LTBP1: variants seen among roughly 807,000 people sequenced by gnomAD.
LTBP1 encodes the protein latent transforming growth factor beta binding protein 1, also known as latent-transforming growth factor beta-binding protein 1.
A neutral mutation model predicts 207.6 loss-of-function variants in LTBP1; 129 were observed. The observed-to-expected ratio is 0.62, with a 90% CI of 0.54 to 0.72. The LOEUF is 0.72. Ranked by LOEUF, LTBP1 falls within the 30% of genes least tolerant of loss-of-function variation. The pLI is 0.00. For synonymous variants in LTBP1, 963 were observed against 833.7 expected (o/e 1.16, Z -2.67); for missense variants, 2,281 against 2,217.2 (o/e 1.03, Z -0.58).
chr2:33,101,067 AT>A (rs1191714973), intron 3 of LTBP1, among the ~76,000 whole-genome samples: 1 of 152,180 alleles, frequency 6.6e-6, no homozygotes, highest in Non-Finnish European at 1.5e-5. Context: ...GCCAAATTAT[AT>A]GGTAATTCTG....
At chr2:32,948,494 T>A (rs746717415) in intron 1 of LTBP1, among the ~76,000 whole-genome samples, 1 of 152,234 alleles carries the variant, frequency 6.6e-6, no homozygotes, top group Admixed American at 6.5e-5. Flanking sequence ...CCAGGCCATG[T>A]GCCCTCACTC....
At chr2:33,031,266 A>G (rs2075679373) in intron 3 of LTBP1, among the ~76,000 whole-genome samples, 2 of 152,236 alleles carry the variant, frequency 1.3e-5, no homozygotes, top group East Asian at 3.8e-4. Context: ...AAATCGTAAT[A>G]TACTACTGAA....
intron 24 of LTBP1, among the ~76,000 whole-genome samples, chr2:33,326,501 A>G (rs932257129): frequency 2.0e-5 from 3 of 152,082 alleles, no homozygotes; most frequent in African/African-American, 7.2e-5. Context: ...ATTGGATTAA[A>G]AAAAAAACAA....
chr2:33,331,920 C>G (rs563654339), intron 24 of LTBP1, among the ~76,000 whole-genome samples: 9 of 152,032 alleles, frequency 5.9e-5, no homozygotes, highest in African/African-American at 2.2e-4. Context: ...ATTGCAGTGA[C>G]CTCCTAACTT....
intron 20 of LTBP1, among the ~76,000 whole-genome samples, chr2:33,299,550 A>G (rs17012783): frequency 0.023 from 3,432 of 152,296 alleles, 138 homozygotes; most frequent in African/African-American, 0.077. Flanking sequence ...CATGTAGGTG[A>G]TGAAGATCAG....
intron 9 of LTBP1, among the ~76,000 whole-genome samples, chr2:33,223,809 A>G (rs2091274683): frequency 6.6e-6 from 1 of 152,164 alleles, no homozygotes; most frequent in Non-Finnish European, 1.5e-5. Flanking sequence ...TTTGTGAAGG[A>G]CCTAGAAACA....
intron 9 of LTBP1, among the ~76,000 whole-genome samples, chr2:33,222,415 C>T (rs973512846): frequency 6.6e-6 from 1 of 152,182 alleles, no homozygotes; most frequent in Non-Finnish European, 1.5e-5. Flanking sequence ...CATTAGAGAG[C>T]ACACTGTGGT....
chr2:33,192,544 A>G (rs1455851018), intron 7 of LTBP1, among the ~76,000 whole-genome samples: 1 of 152,186 alleles, frequency 6.6e-6, no homozygotes, highest in Non-Finnish European at 1.5e-5. Flanking sequence ...ATCAGAGTAT[A>G]AAAGAAAGTG....
At position 33,150,387 on chromosome 2, in the gene LTBP1, G is replaced by T. The variant is rs976487156; in HGVS notation, c.1201+15427G>T. On this transcript the variant is annotated intron_variant, in intron 5 of 33. Transcript: ENST00000404816. ...TACATGACTGATTTTTTCCCCAATT[G>T]TATCATTTTTTAGTTGTAAAATATA... is the stretch of plus-strand genomic sequence containing the variant. Among the ~76,000 whole-genome samples the T allele has an allele frequency of 2.2e-4, 34 of 151,924 alleles. No individual in the cohort carries two copies. The South Asian group carries it at 2.9e-3, about 13-fold the overall frequency.
intron 18 of LTBP1, among the ~76,000 whole-genome samples, chr2:33,279,085 C>T (rs1006192032): frequency 6.6e-6 from 1 of 151,962 alleles, no homozygotes. Flanking sequence ...CCTGAAAATC[C>T]GTTTATATTT....
intron 2 of LTBP1, among the ~76,000 whole-genome samples, chr2:33,004,868 G>A (rs928344250): frequency 2.7e-5 from 4 of 148,852 alleles, no homozygotes; most frequent in African/African-American, 9.9e-5. Flanking sequence ...TCAAAGATGA[G>A]TATTTTTCTG....
At chr2:33,147,219 T>C (rs542367151) in intron 5 of LTBP1, among the ~76,000 whole-genome samples, 1 of 152,340 alleles carries the variant, frequency 6.6e-6, no homozygotes, top group East Asian at 1.9e-4. Context: ...GTGCTTTGGA[T>C]ATGTGTATTT....
At chr2:33,091,096 C>G (rs980100763) in intron 3 of LTBP1, among the ~76,000 whole-genome samples, 3 of 152,176 alleles carry the variant, frequency 2.0e-5, no homozygotes, top group Admixed American at 2.0e-4. Flanking sequence ...TGGAGCCTCC[C>G]TGTCCATGTC....
intron 2 of LTBP1, among the ~76,000 whole-genome samples, chr2:32,979,970 G>T (rs1682503920): frequency 1.3e-5 from 2 of 151,822 alleles, no homozygotes. Context: ...AATCTATTTT[G>T]TCTGATACAA....
chr2:33,241,744 AC>A (rs1475452755), intron 9 of LTBP1, among the ~76,000 whole-genome samples: 2 of 152,208 alleles, frequency 1.3e-5, no homozygotes, highest in Non-Finnish European at 2.9e-5. Flanking sequence ...CTGGCTGGTT[AC>A]CCAAACTTGA....
chr2:33,346,756 A>G (rs973069532), intron 25 of LTBP1, among the ~76,000 whole-genome samples: 3 of 152,068 alleles, frequency 2.0e-5, no homozygotes, highest in Non-Finnish European at 4.4e-5. Context: ...GTCAGGAATG[A>G]TAAAACTAGA....
At chr2:33,131,917 A>G (rs1431689717) in intron 4 of LTBP1, among the ~76,000 whole-genome samples, 1 of 152,194 alleles carries the variant, frequency 6.6e-6, no homozygotes, top group African/African-American at 2.4e-5. Flanking sequence ...TTATAAAGTG[A>G]CTACTGTAGC....
chr2:33,192,239 G>A (rs776493965), intron 7 of LTBP1, among the ~76,000 whole-genome samples: 14 of 152,164 alleles, frequency 9.2e-5, no homozygotes, highest in South Asian at 2.1e-4. Context: ...TTGCTGGCAA[G>A]GTCAGCGTGT....
chr2:33,057,253 G>A lies in LTBP1; in HGVS notation c.863+36047G>A, dbSNP rs547194384. ...CTAGAGACAGGGTGCTAATTGGTGTGTTTACAAACCTTGAGCTAGATACAG... is the reference window on the plus strand; with the variant it reads ...CTAGAGACAGGGTGCTAATTGGTGTATTTACAAACCTTGAGCTAGATACAG... On this transcript the variant is annotated intron_variant, in intron 3 of 33. Coordinates refer to ENST00000404816, the MANE Select transcript of LTBP1 (RefSeq NM_206943.4). Among the ~76,000 whole-genome samples, 7 of 145,264 alleles carry A rather than the reference G, an allele frequency of 4.8e-5. No homozygotes were observed. The South Asian group carries it at 1.5e-3, about 31-fold the overall frequency.
Sources: allele counts gnomAD v4.1 joint callset (sites outside exome capture counted in the v4.1 genomes callset), GRCh38; gene constraint gnomAD v4.1.1; transcripts MANE v1.5; gene names NCBI Gene and HGNC (gene_info 2026-07-23, HGNC 2026-07-21).